The following REV1 variants were observed in gnomAD, a reference collection of about 807,000 sequenced individuals.
REV1 encodes the protein REV1 DNA directed polymerase.
Under a neutral mutation model 137.4 loss-of-function variants are expected in REV1, and 42 were observed. The ratio of observed to expected loss-of-function variants is 0.31; its 90% CI spans 0.24 to 0.40. REV1 has a LOEUF of 0.40. REV1 is among the 10% of genes least tolerant of loss of function. The probability of loss-of-function intolerance (pLI) is 1.00; values close to 1 mark genes in which losing one functional copy is unlikely to be tolerated. For synonymous variants in REV1, 524 were observed against 519.2 expected (o/e 1.01, Z -0.12); for missense variants, 1,282 against 1,490.1 (o/e 0.86, Z 2.30).
At chr2:99,447,034 T>G (rs554760902) in intron 4 of REV1, among the ~76,000 whole-genome samples, 2 of 152,148 alleles carry the variant, frequency 1.3e-5, no homozygotes, top group Non-Finnish European at 2.9e-5. Context: ...ATATCATTGA[T>G]AGACAGTGGT....
rs1265816408 is a variant in REV1, at chr2:99,489,951, G to A, written c.-145C>T. 6.7e-6 allele frequency: 1 copy of A among 149,822 alleles called. No individual in the cohort carries two copies. The highest frequency in any genetic ancestry group is 2.0e-4 in the East Asian group (1 of 5,092). The allele number at this position is 149,822 out of a possible 1,614,324, so 9.3% of individuals were successfully genotyped here. ...CGGGGGAAGGCAGCCCCACCGCTGA[G>A]CAGCGCCGCGGTCCACGCTCCCCCA... On this transcript the variant is annotated 5_prime_UTR_variant, in exon 1 of 23. Coordinates refer to ENST00000258428, the MANE Select transcript of REV1 (RefSeq NM_016316.4).
At chr2:99,476,938 T>C (rs2104178553) in intron 1 of REV1, among the ~76,000 whole-genome samples, 2 of 152,334 alleles carry the variant, frequency 1.3e-5, no homozygotes, top group Middle Eastern at 6.8e-3. Context: ...GATTTTATTC[T>C]GTATCTTTTC....
At chr2:99,463,527 T>C (rs1013418534) in intron 2 of REV1, among the ~76,000 whole-genome samples, 1 of 152,184 alleles carries the variant, frequency 6.6e-6, no homozygotes, top group African/African-American at 2.4e-5. Flanking sequence ...TATCAAAACA[T>C]AGTAATAATA....
At chr2:99,413,410 T>G (rs1459174408) in intron 12 of REV1, among the ~76,000 whole-genome samples, 2 of 152,212 alleles carry the variant, frequency 1.3e-5, no homozygotes, top group Admixed American at 6.5e-5. Context: ...GCCACATTTT[T>G]TCAGTGAAAA....
At chr2:99,422,671 C>T (rs1678839580) in intron 10 of REV1, among the ~76,000 whole-genome samples, 1 of 152,114 alleles carries the variant, frequency 6.6e-6, no homozygotes, top group South Asian at 2.1e-4. Context: ...GATAGGATTT[C>T]CCAAGGGTGG....
chr2:99,402,244 CT>C lies in REV1; in HGVS notation c.3643del (p.Arg1215GlyfsTer2). ...KLDLVIKYMKRLMQQSVESVW... is the reference protein window; with the variant it reads ...KLDLVIKYMKXLMQQSVESVW... ...TTTGATAAAAGTGATGAATTACTAC[CT>C]TTTCATGTATTTTATAACTAGATCC... is the stretch of plus-strand genomic sequence containing the variant. On this transcript the variant is annotated frameshift_variant and splice_region_variant, in exon 22 of 23. Transcript: ENST00000258428. LOFTEE classifies it high-confidence loss of function. The C allele has an allele frequency of 8.2e-7, 1 of 1,213,124 alleles. No homozygotes were observed. Among genetic ancestry groups the C allele is most frequent in the Non-Finnish European group, 1.2e-6 (1 of 841,746 alleles). The allele number at this position is 1,213,124 out of a possible 1,614,324, so 75.1% of individuals were successfully genotyped here.
intron 5 of REV1, among the ~76,000 whole-genome samples, chr2:99,440,841 A>G (rs1681399530): frequency 6.6e-6 from 1 of 152,236 alleles, no homozygotes; most frequent in Non-Finnish European, 1.5e-5. Flanking sequence ...CATGCATTAT[A>G]GCAACACATG....
chr2:99,482,740 G>C (rs1686750807), intron 1 of REV1, among the ~76,000 whole-genome samples: 1 of 152,168 alleles, frequency 6.6e-6, no homozygotes, highest in Admixed American at 6.5e-5. Flanking sequence ...AGATTATCAT[G>C]AGAAAAAATT....
Position 99,403,707 on chromosome 2 carries a change from C to T in REV1, c.3154G>A (p.Ala1052Thr). The change falls in exon 19 of 23, where the codon GCC (alanine) becomes ACC (threonine). Residue 1052 changes from alanine to threonine, a missense_variant. Physicochemically the swap from Ala to Thr is moderately conservative, Grantham distance 58 (BLOSUM62 0). Transcript: ENST00000258428. ...QGENSTHQQS[A>T]SASVPKNPLL... ...TTCCAAGGCTCACCAGATGCGCTGGCTGACTGCTGGTGAGTGCTGTTCTCG... is the reference window on the plus strand; with the variant it reads ...TTCCAAGGCTCACCAGATGCGCTGGTTGACTGCTGGTGAGTGCTGTTCTCG... 1 of 1,614,198 alleles carries T rather than the reference C, an allele frequency of 6.2e-7. No individual in the cohort carries two copies. Among genetic ancestry groups the T allele is most frequent in the African/African-American group, 1.3e-5 (1 of 75,034 alleles).
At chr2:99,459,201 C>CTT (rs1158121136) in intron 3 of REV1, among the ~76,000 whole-genome samples, 3 of 104,732 alleles carry the variant, frequency 2.9e-5, no homozygotes, top group African/African-American at 1.3e-4. Flanking sequence ...GAGTGAGACT[C>CTT]TGTCTCAAAA....
At chr2:99,408,913 G>GA (rs1220588549) in intron 14 of REV1, among the ~76,000 whole-genome samples, 2 of 152,158 alleles carry the variant, frequency 1.3e-5, no homozygotes, top group African/African-American at 4.8e-5. Context: ...AATATTCCCA[G>GA]AAAAAATTAT....
chr2:99,470,681 G>A (rs1024588899), intron 1 of REV1, among the ~76,000 whole-genome samples: 1 of 152,160 alleles, frequency 6.6e-6, no homozygotes, highest in East Asian at 1.9e-4. Flanking sequence ...CTCTGCCTTT[G>A]CCTCTTTTAA....
chr2:99,408,547 A>C (rs1676660339), intron 14 of REV1: 1 of 153,510 alleles, frequency 6.5e-6, no homozygotes. Context: ...AGGTATAGCA[A>C]ATATTCAGAA....
At chr2:99,428,564 G>A (rs763017016) in intron 9 of REV1, among the ~76,000 whole-genome samples, 21 of 152,032 alleles carry the variant, frequency 1.4e-4, no homozygotes, top group Non-Finnish European at 2.6e-4. Flanking sequence ...TGAACTTAAT[G>A]CTTTTTAACT....
chr2:99,428,015 T>G (rs908951340), intron 9 of REV1, among the ~76,000 whole-genome samples: 2 of 152,080 alleles, frequency 1.3e-5, no homozygotes, highest in African/African-American at 4.8e-5. Flanking sequence ...CAATTGTGGC[T>G]CCTGGAGTCC....
intron 9 of REV1, chr2:99,424,803 T>G: frequency 7.7e-7 from 1 of 1,304,214 alleles, no homozygotes; most frequent in Non-Finnish European, 1.0e-6. Context: ...AATTCCATGC[T>G]CCTGAAGTGG....
chr2:99,421,273 T>G (rs1678635197), intron 11 of REV1, among the ~76,000 whole-genome samples: 1 of 152,124 alleles, frequency 6.6e-6, no homozygotes, highest in South Asian at 2.1e-4. Context: ...ACCTTCCCAA[T>G]TTTTTAAGAA....
chr2:99,479,372 G>A (rs962985109), intron 1 of REV1, among the ~76,000 whole-genome samples: 9 of 148,486 alleles, frequency 6.1e-5, no homozygotes, highest in Admixed American at 4.7e-4. Context: ...ACAAAATCTC[G>A]CCTGTCCTGC....
intron 22 of REV1, among the ~76,000 whole-genome samples, 169 bp from the exon 23 acceptor site, chr2:99,401,521 C>T (rs1035404505): frequency 6.6e-6 from 1 of 150,462 alleles, no homozygotes; most frequent in South Asian, 2.1e-4. Context: ...CCGAGGAGGG[C>T]GGATCACCTG....
Sources: gnomAD v4.1 joint callset for allele counts (sites outside exome capture counted in the v4.1 genomes callset) on GRCh38, gnomAD v4.1.1 for gene constraint, MANE v1.5 for transcripts, NCBI Gene and HGNC (gene_info 2026-07-23, HGNC 2026-07-21) for gene names.